Variants in WFS1 observed in about 807,000 individuals in gnomAD.
WFS1 encodes wolframin.
WFS1 carries 90 observed loss-of-function variants against 68.5 expected under a neutral mutation model. The observed-to-expected ratio is 1.31, with a 90% CI of 1.11 to 1.56. The LOEUF is 1.56. WFS1 is among the 40% of genes most tolerant of loss of function. WFS1 has a pLI of 0.00. For synonymous variants in WFS1, 860 were observed against 540.7 expected (o/e 1.59, Z -8.19); for missense variants, 1,767 against 1,232.6 (o/e 1.43, Z -6.49).
chr4:6,291,033 T>C (rs1730447789), intron 4 of WFS1, among the ~76,000 whole-genome samples, 164 bp from the exon 5 acceptor site: 3 of 51,898 alleles, frequency 5.8e-5, no homozygotes, highest in African/African-American at 2.4e-4. Context: ...CGTGGCGCGA[T>C]GTCCTCTTGA....
intron 7 of WFS1, 125 bp downstream of exon 7, chr4:6,295,314 C>T (rs927544355): frequency 1.5e-5 from 17 of 1,167,396 alleles, no homozygotes; most frequent in Middle Eastern, 2.7e-4. Context: ...GTCTTACAGC[C>T]GTGCCGCTGG....
intron 7 of WFS1, among the ~76,000 whole-genome samples, chr4:6,298,896 T>G (rs1730734379): frequency 6.6e-6 from 1 of 152,208 alleles, no homozygotes; most frequent in Admixed American, 6.5e-5. Flanking sequence ...GGTCTGGTGC[T>G]TCCCCGAGGC....
chr4:6,302,559 C>G lies in WFS1; in HGVS notation c.*91C>G, dbSNP rs1046319. 6.4e-7 allele frequency: 1 copy of G among 1,572,496 alleles called. No homozygotes were observed. Among genetic ancestry groups the G allele is most frequent in the Non-Finnish European group, 8.6e-7 (1 of 1,160,930 alleles). ...GCCCGACAGGCATGCACCAGTGCCGCCTGTGCCCACGTGTGCAGACTGTGG... is the reference window on the plus strand; with the variant it reads ...GCCCGACAGGCATGCACCAGTGCCGGCTGTGCCCACGTGTGCAGACTGTGG... On this transcript the variant is annotated 3_prime_UTR_variant, in exon 8 of 8. Coordinates refer to ENST00000226760, the MANE Select transcript of WFS1 (RefSeq NM_006005.3).
chr4:6,293,297 G>A (rs544809828), intron 6 of WFS1, among the ~76,000 whole-genome samples: 26 of 152,270 alleles, frequency 1.7e-4, no homozygotes, highest in African/African-American at 5.3e-4. Flanking sequence ...AGGAGTCAGC[G>A]CTGCCAGCCT....
At chr4:6,284,462 T>C (rs1156291025) in intron 2 of WFS1, among the ~76,000 whole-genome samples, 1 of 152,156 alleles carries the variant, frequency 6.6e-6, no homozygotes, top group East Asian at 1.9e-4. Flanking sequence ...TGTGAAAAAT[T>C]AATTATGGAC....
intron 4 of WFS1, among the ~76,000 whole-genome samples, chr4:6,289,440 G>C (rs1730403354): frequency 6.6e-6 from 1 of 152,260 alleles, no homozygotes; most frequent in South Asian, 2.1e-4. Context: ...TCAGCTGAGA[G>C]GCAGTTTCCC....
Position 6,291,364 on chromosome 4 carries a change from C to CA in WFS1, c.629dup (p.His210GlnfsTer37). 6.2e-7 allele frequency: 1 copy of CA among 1,612,326 alleles called. No individual in the cohort carries two copies. Among genetic ancestry groups the CA allele is most frequent in the Non-Finnish European group, 8.5e-7 (1 of 1,180,004 alleles). Reference sequence around the variant, plus strand: ...GGAGAATGTCGGCCAGGTCAACGAGCACGGTGCGAGGATTCACCCTGGGCA... The same window carrying CA: ...GGAGAATGTCGGCCAGGTCAACGAGCAACGGTGCGAGGATTCACCCTGGGCA... On this transcript the variant is annotated frameshift_variant, in exon 5 of 8. Transcript: ENST00000226760. LOFTEE classifies it high-confidence loss of function.
chr4:6,277,744 A>G, intron 2 of WFS1, 57 bp downstream of exon 2: 1 of 1,539,766 alleles, frequency 6.5e-7, no homozygotes, highest in African/African-American at 1.4e-5. Flanking sequence ...GCTGGGTGGG[A>G]ACGGGGTTCA....
chr4:6,280,288 G>A (rs1730122089), intron 2 of WFS1, among the ~76,000 whole-genome samples: 1 of 152,240 alleles, frequency 6.6e-6, no homozygotes, highest in African/African-American at 2.4e-5. Context: ...GCCGGCACCT[G>A]CCTGTCGGTG....
Position 6,280,225 on chromosome 4 carries a change from G to A in WFS1, c.232+2538G>A, listed in dbSNP as rs1448402061. On this transcript the variant is annotated intron_variant, in intron 2 of 7. Coordinates refer to ENST00000226760, the MANE Select transcript of WFS1 (RefSeq NM_006005.3). ...CGTGGATGCCCACGTGCTGAGAGGT[G>A]TTGTCTGTCCTGATTTTTGACAGCA... Among the ~76,000 whole-genome samples, 7 of 152,210 alleles carry A rather than the reference G, an allele frequency of 4.6e-5. 1 individual carries two copies. Among genetic ancestry groups the A allele is most frequent in the Admixed American group, 4.6e-4 (7 of 15,294 alleles).
At chr4:6,294,025 C>T (rs1255327721) in intron 6 of WFS1, among the ~76,000 whole-genome samples, 2 of 152,176 alleles carry the variant, frequency 1.3e-5, no homozygotes, top group South Asian at 2.1e-4. Flanking sequence ...GCAGCTACAC[C>T]TGGGTGCTGC....
At chr4:6,285,805 G>T (rs1273861140) in intron 2 of WFS1, among the ~76,000 whole-genome samples, 1 of 152,246 alleles carries the variant, frequency 6.6e-6, no homozygotes, top group Admixed American at 6.5e-5. Context: ...GACCAGAAAG[G>T]CTGGTCCTCA....
intron 6 of WFS1, among the ~76,000 whole-genome samples, chr4:6,293,536 T>A (rs930471249): frequency 9.9e-5 from 15 of 151,588 alleles, no homozygotes; most frequent in Non-Finnish European, 1.9e-4. Context: ...TGACCCCCCT[T>A]GCTCAGTCAC....
At chr4:6,296,977 C>G (rs1040977381) in intron 7 of WFS1, among the ~76,000 whole-genome samples, 2 of 152,200 alleles carry the variant, frequency 1.3e-5, no homozygotes, top group Non-Finnish European at 2.9e-5. Context: ...GCATGTGCCA[C>G]CACACCCAGC....
intron 7 of WFS1, among the ~76,000 whole-genome samples, chr4:6,296,053 AACTG>A (rs1321414359): frequency 6.6e-6 from 1 of 152,224 alleles, no homozygotes; most frequent in Non-Finnish European, 1.5e-5. Context: ...CTGTCTTCTG[AACTG>A]ACTGAGAACC....
At chr4:6,299,244 C>G (rs1578605608) in intron 7 of WFS1, among the ~76,000 whole-genome samples, 2 of 152,344 alleles carry the variant, frequency 1.3e-5, no homozygotes, top group South Asian at 2.1e-4. Flanking sequence ...TGCTTCACCC[C>G]ATCCTGAGGC....
rs778784147 is a variant in WFS1, at chr4:6,287,048, A to C, written c.233-45A>C. On this transcript the variant is annotated intron_variant, in intron 2 of 7. Coordinates refer to ENST00000226760, the MANE Select transcript of WFS1 (RefSeq NM_006005.3). The surrounding 1 kb of genome is among the most constrained non-coding windows in gnomAD (Gnocchi z 6.4). ...GTCCCCTCCATCCTGACAAGTGACA[A>C]AGTCTGGCTTTGTGACATGTGTGTT... 1 of 1,528,882 alleles carries C rather than the reference A, an allele frequency of 6.5e-7. No homozygotes were observed. Among genetic ancestry groups the C allele is most frequent in the Non-Finnish European group, 8.9e-7 (1 of 1,126,034 alleles). The allele number at this position is 1,528,882 out of a possible 1,614,324, so 94.7% of individuals were successfully genotyped here.
Position 6,287,278 on chromosome 4 carries a change from C to G in WFS1, c.315+103C>G. 2 of 1,114,424 alleles carry G rather than the reference C, an allele frequency of 1.8e-6. No homozygotes were observed. Among genetic ancestry groups the G allele is most frequent in the Non-Finnish European group, 2.6e-6 (2 of 754,774 alleles). The allele number at this position is 1,114,424 out of a possible 1,614,324, so 69.0% of individuals were successfully genotyped here. Reference sequence around the variant, plus strand: ...ACAGAGAAGTGTCGGTGCCTGAGATCGGGGTCAGGAGCCAGCGTGGTGCAC... The same window carrying G: ...ACAGAGAAGTGTCGGTGCCTGAGATGGGGGTCAGGAGCCAGCGTGGTGCAC... On this transcript the variant is annotated intron_variant, in intron 3 of 7. Coordinates refer to ENST00000226760, the MANE Select transcript of WFS1 (RefSeq NM_006005.3). This position sits in a 1 kb window ranked among gnomAD's most constrained non-coding sequence, Gnocchi z 6.4.
At position 6,301,333 on chromosome 4, in the gene WFS1, A is replaced by G. The variant is rs544933961; in HGVS notation, c.1538A>G (p.Tyr513Cys). Residue 513 changes from tyrosine to cysteine, a missense_variant, in exon 8 of 8, where the codon TAT (tyrosine) becomes TGT (cysteine). Tyr to Cys is a radical substitution (Grantham distance 194). Coordinates refer to ENST00000226760, the MANE Select transcript of WFS1 (RefSeq NM_006005.3). The part of the protein sequence containing the change: ...VPCLLYVYLL[Y>C]LFFRMAQLRN... ...TGCCTGCTCTATGTCTACCTGCTCT[A>G]TCTCTTCTTCCGCATGGCACAGCTG... 26 of 1,611,704 alleles carry G rather than the reference A, an allele frequency of 1.6e-5. No homozygotes were observed. The highest frequency in any genetic ancestry group is 1.4e-4 in the South Asian group (13 of 91,086).
Sources: allele counts gnomAD v4.1 joint callset (sites outside exome capture counted in the v4.1 genomes callset), GRCh38; gene constraint gnomAD v4.1.1; non-coding constraint Gnocchi (gnomAD v3.1); transcripts MANE v1.5; gene names NCBI Gene and HGNC (gene_info 2026-07-23, HGNC 2026-07-21).